STRA6: variants seen among roughly 807,000 people sequenced by gnomAD.
STRA6 encodes signaling receptor and transporter of retinol STRA6.
In STRA6, 48 loss-of-function variants were observed where a neutral mutation model predicts 83.6. That is an observed-to-expected ratio of 0.57 (90% confidence interval 0.46 to 0.73). The LOEUF is 0.73. Ranked by LOEUF, STRA6 falls within the 30% of genes least tolerant of loss-of-function variation. The probability of loss-of-function intolerance (pLI) is 0.00; values close to 1 mark genes in which losing one functional copy is unlikely to be tolerated. For synonymous variants in STRA6, 353 were observed against 362.3 expected (o/e 0.97, Z 0.29); for missense variants, 760 against 838.8 (o/e 0.91, Z 1.16).
chr15:74,196,716 T>TC (rs1285979027), intron 4 of STRA6, among the ~76,000 whole-genome samples: 1 of 152,080 alleles, frequency 6.6e-6, no homozygotes, highest in African/African-American at 2.4e-5. Context: ...CCAGGCTGGT[T>TC]CCCCACAAAA....
intron 2 of STRA6, among the ~76,000 whole-genome samples, chr15:74,199,288 G>A (rs569505504): frequency 2.6e-5 from 4 of 152,352 alleles, no homozygotes; most frequent in South Asian, 4.1e-4. Context: ...CCCAGCGGGT[G>A]AGCGGTGGGA....
At position 74,184,971 on chromosome 15, in the gene STRA6, G is replaced by A. The variant is rs2073171433; in HGVS notation, c.1166+9C>T. 1 of 1,613,314 alleles carries A rather than the reference G, an allele frequency of 6.2e-7. No individual in the cohort carries two copies. The highest frequency in any genetic ancestry group is 1.7e-5 in the Admixed American group (1 of 59,946). ...CTCGGCGCTGGGTGAGCCAGAGTCT[G>A]TCACTCACCTGTGTGTCACCAGTGA... is the stretch of plus-strand genomic sequence containing the variant. On this transcript the variant is annotated intron_variant, in intron 13 of 18. Coordinates refer to ENST00000395105, the MANE Select transcript of STRA6 (RefSeq NM_022369.4).
intron 7 of STRA6, 36 bp downstream of exon 7, chr15:74,195,266 G>T: frequency 6.2e-7 from 1 of 1,607,238 alleles, no homozygotes. Context: ...TGCTCTGTGC[G>T]CCCCTCTGCC....
intron 15 of STRA6, 24 bp downstream of exon 15, chr15:74,182,319 C>T (rs929746556): frequency 1.7e-5 from 28 of 1,613,704 alleles, no homozygotes; most frequent in Non-Finnish European, 2.3e-5. Context: ...AGTCCCTGAG[C>T]CCTCCATGTC....
upstream of STRA6, among the ~76,000 whole-genome samples, chr15:74,210,579 G>A (rs982859432): frequency 6.6e-6 from 1 of 152,234 alleles, no homozygotes; most frequent in African/African-American, 2.4e-5. Flanking sequence ...GTGAATTTTG[G>A]AGAATGAAGC....
At chr15:74,191,597 A>C in intron 8 of STRA6, 106 bp from the exon 9 acceptor site, 2 of 1,004,720 alleles carry the variant, frequency 2.0e-6, no homozygotes, top group African/African-American at 1.6e-5. Flanking sequence ...CTCCATAAAA[A>C]CCTGTTGGCC....
Position 74,208,799 on chromosome 15 carries a change from C to T in STRA6, c.-16+1G>A. The T allele has an allele frequency of 1.0e-6, 1 of 989,004 alleles. No homozygotes were observed. The highest frequency in any genetic ancestry group is 1.2e-6 in the Non-Finnish European group (1 of 832,252). 61.3% of individuals were successfully genotyped at this position (989,004 alleles called of 1,614,324 possible). On this transcript the variant is annotated splice_donor_variant, in intron 1 of 18. Coordinates refer to the STRA6 transcript ENST00000323940. LOFTEE classifies it low-confidence loss of function (5UTR_SPLICE). Reference sequence around the variant, plus strand: ...GCCTCCCAGACTTGGCTCCAGCCTACCTCCAATCAAGCGCTCTCCTGACCT... The same window carrying T: ...GCCTCCCAGACTTGGCTCCAGCCTATCTCCAATCAAGCGCTCTCCTGACCT...
chr15:74,204,861 G>A (rs949518864), upstream of STRA6, among the ~76,000 whole-genome samples: 6 of 152,156 alleles, frequency 3.9e-5, no homozygotes, highest in Non-Finnish European at 8.8e-5. Flanking sequence ...CTTGAACCCA[G>A]GGGGCAGAGG....
At position 74,189,386 on chromosome 15, in the gene STRA6, A is replaced by G; in HGVS notation, c.928-109T>C. ...GCACACAGGCCCCAGCCACATGCCC[A>G]TTGCCCATCAGTGTTCTTATCTGCC... is the stretch of plus-strand genomic sequence containing the variant. On this transcript the variant is annotated intron_variant, in intron 11 of 18. Coordinates refer to ENST00000395105, the MANE Select transcript of STRA6 (RefSeq NM_022369.4). 2.1e-6 allele frequency: 3 copies of G among 1,460,446 alleles called. No individual in the cohort carries two copies. In the South Asian group the frequency reaches 3.7e-5, roughly 18 times the overall value. The allele number at this position is 1,460,446 out of a possible 1,614,324, so 90.5% of individuals were successfully genotyped here.
intron 7 of STRA6, 161 bp downstream of exon 7, chr15:74,195,141 C>T: frequency 6.6e-7 from 1 of 1,508,074 alleles, no homozygotes; most frequent in Non-Finnish European, 8.8e-7. Context: ...TGCAGAGCAG[C>T]CAAGCTTGGA....
chr15:74,209,361 C>G, upstream of STRA6: 1 of 1,535,186 alleles, frequency 6.5e-7, no homozygotes, highest in Non-Finnish European at 8.7e-7. Flanking sequence ...CTACTTACCT[C>G]CATTTGTCCC....
intron 14 of STRA6, chr15:74,183,591 C>A: frequency 7.5e-7 from 1 of 1,326,780 alleles, no homozygotes; most frequent in Non-Finnish European, 9.7e-7. Context: ...GGGTCCACCC[C>A]CATGTGAATA....
At position 74,188,177 on chromosome 15, in the gene STRA6, AC is replaced by A. The variant is rs971998648; in HGVS notation, c.1090+937del. 2.1e-4 allele frequency among the ~76,000 whole-genome samples: 31 copies of A among 150,932 alleles called. No individual in the cohort carries two copies. Among genetic ancestry groups the A allele is most frequent in the Middle Eastern group, 7.0e-3 (2 of 286 alleles). On this transcript the variant is annotated intron_variant, in intron 12 of 18. Coordinates refer to ENST00000395105, the MANE Select transcript of STRA6 (RefSeq NM_022369.4). This position sits in a 1 kb window ranked among gnomAD's most constrained non-coding sequence, Gnocchi z 4.5. ...GTGGTCACTCCGTGCACCTCTGCCC[AC>A]CCCCCACTCCCTGCCCCGCCATGAC...
intron 2 of STRA6, 155 bp from the exon 3 acceptor site, chr15:74,197,973 T>C: frequency 1.3e-6 from 1 of 770,376 alleles, no homozygotes; most frequent in South Asian, 1.5e-5. Context: ...TCCCACCTTC[T>C]CAGGGTCATT....
chr15:74,189,643 A>G (rs8029763), intron 11 of STRA6, among the ~76,000 whole-genome samples: 371 of 152,240 alleles, frequency 2.4e-3, no homozygotes, highest in African/African-American at 8.7e-3. Flanking sequence ...CAAATAAAAA[A>G]TAATACAGTA....
chr15:74,192,606 AG>A (rs1286737343), intron 8 of STRA6, among the ~76,000 whole-genome samples: 8 of 152,150 alleles, frequency 5.3e-5, no homozygotes, highest in African/African-American at 1.7e-4. Flanking sequence ...GCATCATCCC[AG>A]GAGCACCTGC....
chr15:74,199,419 G>C (rs1320809885), intron 2 of STRA6, among the ~76,000 whole-genome samples: 1 of 152,184 alleles, frequency 6.6e-6, no homozygotes, highest in Admixed American at 6.5e-5. Flanking sequence ...ACTGACTCCA[G>C]TGTCAGCTCC....
Position 74,182,480 on chromosome 15 carries a change from C to G in STRA6, c.1301-20G>C. 6.3e-7 allele frequency: 1 copy of G among 1,585,852 alleles called. No homozygotes were observed. Among genetic ancestry groups the G allele is most frequent in the Non-Finnish European group, 8.6e-7 (1 of 1,164,940 alleles). ...GGAGCCCTGCCAGGGGCGGGAGTGG[C>G]AGGGGGACAGAAAACAGGTTCCATG... On this transcript the variant is annotated intron_variant, in intron 14 of 18. Transcript: ENST00000395105.
Position 74,188,545 on chromosome 15 carries a change from G to A in STRA6, c.1090+570C>T, listed in dbSNP as rs959180722. Reference sequence around the variant, plus strand: ...GACACTTCTCAGTCCCCTCCACAGCGCTGTTGGGAGCGCCCAGGAGGCAGA... The same window carrying A: ...GACACTTCTCAGTCCCCTCCACAGCACTGTTGGGAGCGCCCAGGAGGCAGA... On this transcript the variant is annotated intron_variant, in intron 12 of 18. Transcript: ENST00000395105. This position sits in a 1 kb window ranked among gnomAD's most constrained non-coding sequence, Gnocchi z 4.5. 1.3e-5 allele frequency among the ~76,000 whole-genome samples: 2 copies of A among 152,218 alleles called. No homozygotes were observed. Among genetic ancestry groups the A allele is most frequent in the East Asian group, 1.9e-4 (1 of 5,194 alleles).
Sources: gnomAD v4.1 joint callset for allele counts (sites outside exome capture counted in the v4.1 genomes callset) on GRCh38, gnomAD v4.1.1 for gene constraint, Gnocchi (gnomAD v3.1) non-coding constraint, MANE v1.5 for transcripts, NCBI Gene and HGNC (gene_info 2026-07-23, HGNC 2026-07-21) for gene names.